FHIT: variants seen among roughly 807,000 people sequenced by gnomAD.
FHIT encodes the protein bis(5'-adenosyl)-triphosphatase.
FHIT carries 19 observed loss-of-function variants against 17.9 expected under a neutral mutation model. The observed-to-expected ratio is 1.06, with a 90% CI of 0.74 to 1.56. FHIT has a LOEUF of 1.56. FHIT is among the 40% of genes most tolerant of loss of function. The pLI, the probability that FHIT is intolerant of heterozygous loss-of-function variation, is 0.00. For synonymous variants in FHIT, 81 were observed against 69.7 expected (o/e 1.16, Z -0.81); for missense variants, 248 against 189.2 (o/e 1.31, Z -1.82).
chr3:61,227,741 A>T (rs1473969560), intron 1 of FHIT, among the ~76,000 whole-genome samples: 1 of 152,150 alleles, frequency 6.6e-6, no homozygotes, highest in African/African-American at 2.4e-5. Flanking sequence ...ACTTTTTTCC[A>T]TGGGATCAAC....
chr3:60,253,068 G>A lies in FHIT; in HGVS notation c.104-238916C>T, dbSNP rs17062625. Among the ~76,000 whole-genome samples, 1,426 of 152,102 alleles carry A rather than the reference G, an allele frequency of 9.4e-3. 16 individuals carry two copies. Among genetic ancestry groups the A allele is most frequent in the African/African-American group, 0.032 (1,320 of 41,522 alleles). On this transcript the variant is annotated intron_variant, in intron 5 of 9. Coordinates refer to ENST00000492590, the MANE Select transcript of FHIT (RefSeq NM_002012.4). ...AAATAAAAAACACTGTGGCCTCATCGAGTTTCTACTGTAGTACACCATTGA... is the reference window on the plus strand; with the variant it reads ...AAATAAAAAACACTGTGGCCTCATCAAGTTTCTACTGTAGTACACCATTGA...
At chr3:60,275,821 T>C (rs1449182631) in intron 5 of FHIT, among the ~76,000 whole-genome samples, 5 of 152,162 alleles carry the variant, frequency 3.3e-5, no homozygotes, top group African/African-American at 7.2e-5. Flanking sequence ...ATCAGTCCTA[T>C]CCTACACAAT....
chr3:60,524,197 GACAC>G (rs56975783), intron 5 of FHIT, among the ~76,000 whole-genome samples: 12,062 of 144,522 alleles, frequency 0.083, 723 homozygotes, highest in African/African-American at 0.17. Flanking sequence ...GTCAGCCTGA[GACAC>G]ACACACACAC....
At chr3:59,973,206 T>A (rs1708264409) in intron 7 of FHIT, among the ~76,000 whole-genome samples, 1 of 152,132 alleles carries the variant, frequency 6.6e-6, no homozygotes, top group Non-Finnish European at 1.5e-5. Flanking sequence ...CTAATCTGTC[T>A]TCCATCCTAA....
chr3:60,707,447 T>G (rs1553703838), intron 4 of FHIT, among the ~76,000 whole-genome samples: 1 of 152,208 alleles, frequency 6.6e-6, no homozygotes, highest in Admixed American at 6.5e-5. Flanking sequence ...ACGGATAAAT[T>G]ATAAATGACT....
intron 8 of FHIT, among the ~76,000 whole-genome samples, chr3:59,813,104 C>T (rs1700465054): frequency 6.6e-6 from 1 of 152,144 alleles, no homozygotes; most frequent in African/African-American, 2.4e-5. Context: ...TGCTCAAAAC[C>T]AACAGCATAA....
intron 5 of FHIT, among the ~76,000 whole-genome samples, chr3:60,396,264 T>C (rs1701435478): frequency 6.6e-6 from 1 of 152,194 alleles, no homozygotes; most frequent in Non-Finnish European, 1.5e-5. Context: ...CTTTATATAG[T>C]TGATGCACAC....
At chr3:61,026,939 T>C (rs545730067) in intron 3 of FHIT, among the ~76,000 whole-genome samples, 25 of 152,294 alleles carry the variant, frequency 1.6e-4, no homozygotes, top group African/African-American at 6.0e-4. Context: ...TTACCTGCAA[T>C]TGGTAAATTT....
chr3:59,930,021 T>C (rs1179557693), intron 7 of FHIT, among the ~76,000 whole-genome samples: 3 of 152,172 alleles, frequency 2.0e-5, no homozygotes, highest in African/African-American at 7.2e-5. Context: ...AAGTGAGTTA[T>C]TATTTCATGT....
intron 5 of FHIT, among the ~76,000 whole-genome samples, chr3:60,294,942 G>C (rs570565811): frequency 6.6e-6 from 1 of 152,252 alleles, no homozygotes; most frequent in East Asian, 1.9e-4. Context: ...AGGACATCTG[G>C]ATTGCTTCTA....
intron 5 of FHIT, among the ~76,000 whole-genome samples, chr3:60,211,500 A>G (rs980768083): frequency 3.9e-5 from 6 of 152,218 alleles, no homozygotes. Flanking sequence ...AATTGAAAGT[A>G]AAATAAACCT....
rs969403739 is a variant in FHIT, at chr3:61,197,526, C to T, written c.-164+3091G>A. Reference sequence around the variant, plus strand: ...CTGCACAGAGCACAGAAGTAGTCAACAAATAAGACACAAGGGGAAATAGAG... The same window carrying T: ...CTGCACAGAGCACAGAAGTAGTCAATAAATAAGACACAAGGGGAAATAGAG... On this transcript the variant is annotated intron_variant, in intron 2 of 9. Transcript: ENST00000492590. Among the ~76,000 whole-genome samples, 9 of 152,172 alleles carry T rather than the reference C, an allele frequency of 5.9e-5. 1 individual carries two copies. The highest frequency in any genetic ancestry group is 2.2e-4 in the African/African-American group (9 of 41,506).
intron 5 of FHIT, among the ~76,000 whole-genome samples, chr3:60,381,013 T>TA (rs1486911469): frequency 6.6e-6 from 1 of 152,222 alleles, no homozygotes; most frequent in Admixed American, 6.5e-5. Flanking sequence ...CAAGACCTTG[T>TA]AGCCTTTGAA....
chr3:60,422,111 T>C (rs551088646), intron 5 of FHIT, among the ~76,000 whole-genome samples: 20 of 152,162 alleles, frequency 1.3e-4, no homozygotes, highest in Non-Finnish European at 2.6e-4. Flanking sequence ...TCCATCAAAA[T>C]CTCAGCCTGG....
chr3:60,276,401 T>C (rs964563908), intron 5 of FHIT, among the ~76,000 whole-genome samples: 80 of 151,990 alleles, frequency 5.3e-4, no homozygotes, highest in Non-Finnish European at 9.4e-4. Context: ...CACACAAGCG[T>C]TTTTCTCAAA....
At chr3:59,800,899 TCTC>T (rs756986933) in intron 8 of FHIT, among the ~76,000 whole-genome samples, 1 of 152,160 alleles carries the variant, frequency 6.6e-6, no homozygotes, top group African/African-American at 2.4e-5. Context: ...CATTTCGTGA[TCTC>T]CTCTGTCTCT....
intron 3 of FHIT, among the ~76,000 whole-genome samples, chr3:60,939,608 T>C (rs563478805): frequency 6.6e-6 from 1 of 152,198 alleles, no homozygotes; most frequent in Non-Finnish European, 1.5e-5. Flanking sequence ...CTCTATGTGA[T>C]ATAACTTCAC....
In FHIT at chr3:60,134,429, A is replaced by G. The variant is rs528843730; in HGVS notation, c.104-120277T>C. 7.9e-5 allele frequency among the ~76,000 whole-genome samples: 12 copies of G among 152,340 alleles called. 1 individual carries two copies. In the South Asian group the frequency reaches 2.5e-3, roughly 32 times the overall value. ...AAGTAGAATGGTTATAATTCATCCA[A>G]TAAGCTTTTTTAAAAAGCAGGGAAT... On this transcript the variant is annotated intron_variant, in intron 5 of 9. Coordinates refer to ENST00000492590, the MANE Select transcript of FHIT (RefSeq NM_002012.4).
At chr3:60,133,399 C>A (rs1042031779) in intron 5 of FHIT, among the ~76,000 whole-genome samples, 1 of 152,120 alleles carries the variant, frequency 6.6e-6, no homozygotes, top group African/African-American at 2.4e-5. Flanking sequence ...ACTTCTCCTG[C>A]CTGGAGGGGT....
Sources: allele counts gnomAD v4.1 joint callset (sites outside exome capture counted in the v4.1 genomes callset), GRCh38; gene constraint gnomAD v4.1.1; transcripts MANE v1.5; gene names NCBI Gene and HGNC (gene_info 2026-07-23, HGNC 2026-07-21).